TENT2: variants seen among roughly 807,000 people sequenced by gnomAD.
The protein encoded by TENT2 is poly(A) RNA polymerase GLD2.
Under a neutral mutation model 72.2 loss-of-function variants are expected in TENT2, and 44 were observed. The observed-to-expected ratio is 0.61, with a 90% CI of 0.48 to 0.78. The LOEUF (loss-of-function observed/expected upper bound fraction) is 0.78. Ranked by LOEUF, TENT2 falls within the 30% of genes least tolerant of loss-of-function variation. The probability of loss-of-function intolerance (pLI) is 0.00; values close to 1 mark genes in which losing one functional copy is unlikely to be tolerated. For missense variants in TENT2, 541 were observed against 569.6 expected (o/e 0.95, Z 0.51); for synonymous variants, 212 against 192.5 (o/e 1.10, Z -0.84).
intron 8 of TENT2, 151 bp from the exon 9 acceptor site, chr5:79,648,466 T>C: frequency 1.7e-6 from 1 of 578,702 alleles, no homozygotes; most frequent in Non-Finnish European, 3.0e-6. Context: ...CTTATTTCTT[T>C]AGTGTGTCAT....
intron 7 of TENT2, among the ~76,000 whole-genome samples, chr5:79,643,534 A>G (rs1786136929): frequency 6.6e-6 from 1 of 152,204 alleles, no homozygotes; most frequent in South Asian, 2.1e-4. Flanking sequence ...GTGATATTGG[A>G]AAGACACTTG....
chr5:79,615,984 G>A (rs1217084620), intron 1 of TENT2, among the ~76,000 whole-genome samples: 3 of 152,028 alleles, frequency 2.0e-5, no homozygotes, highest in Non-Finnish European at 2.9e-5. Flanking sequence ...TGCTTGCCAG[G>A]TTCAAGCGAT....
At chr5:79,635,674 C>A (rs1379415597) in intron 4 of TENT2, among the ~76,000 whole-genome samples, 2 of 152,088 alleles carry the variant, frequency 1.3e-5, no homozygotes, top group Non-Finnish European at 2.9e-5. Flanking sequence ...CCTGCCTCAG[C>A]CTCCGGAGTA....
At chr5:79,643,230 C>T (rs1785839920) in intron 7 of TENT2, among the ~76,000 whole-genome samples, 1 of 152,020 alleles carries the variant, frequency 6.6e-6, no homozygotes, top group African/African-American at 2.4e-5. Flanking sequence ...AGTTGTAATA[C>T]AGAGTATCTG....
intron 1 of TENT2, 118 bp from the exon 2 acceptor site, chr5:79,619,494 T>C (rs1763064302): frequency 2.9e-6 from 2 of 696,892 alleles, no homozygotes; most frequent in Non-Finnish European, 4.3e-6. Flanking sequence ...TATTTAACTT[T>C]GCAAATAAAA....
intron 14 of TENT2, among the ~76,000 whole-genome samples, chr5:79,684,133 G>C (rs1168009143): frequency 1.3e-5 from 2 of 152,012 alleles, no homozygotes; most frequent in East Asian, 1.9e-4. Context: ...CATGAGACTA[G>C]AATACAAAGA....
chr5:79,636,224 T>G (rs1262294294), intron 4 of TENT2, among the ~76,000 whole-genome samples: 1 of 152,202 alleles, frequency 6.6e-6, no homozygotes, highest in Non-Finnish European at 1.5e-5. Flanking sequence ...CTTTTTATTA[T>G]GGAAAATATC....
At chr5:79,629,515 A>G (rs1178331527) in intron 4 of TENT2, among the ~76,000 whole-genome samples, 1 of 152,174 alleles carries the variant, frequency 6.6e-6, no homozygotes, top group African/African-American at 2.4e-5. Flanking sequence ...GCATGGTGAG[A>G]GGGGGAGCCA....
At chr5:79,640,986 T>G in intron 5 of TENT2, 21 bp downstream of exon 5, 1 of 1,581,164 alleles carries the variant, frequency 6.3e-7, no homozygotes, top group Non-Finnish European at 8.6e-7. Flanking sequence ...CTATTTTGCA[T>G]GTCCTTTAGG....
intron 12 of TENT2, among the ~76,000 whole-genome samples, chr5:79,677,579 C>G (rs1365069602): frequency 1.3e-5 from 2 of 152,158 alleles, no homozygotes; most frequent in East Asian, 3.8e-4. Context: ...TTTAATTCTG[C>G]AGATTTAGTT....
At chr5:79,635,586 G>C (rs1424241495) in intron 4 of TENT2, among the ~76,000 whole-genome samples, 2 of 151,946 alleles carry the variant, frequency 1.3e-5, no homozygotes, top group Non-Finnish European at 2.9e-5. Flanking sequence ...ACAGAGTCTT[G>C]CTCTGTTGCC....
At chr5:79,644,547 T>C (rs1561513245) in intron 7 of TENT2, 2 of 152,230 alleles carry the variant, frequency 1.3e-5, no homozygotes, top group African/African-American at 4.8e-5. Context: ...TATATGTATG[T>C]ATGTAATACA....
chr5:79,641,879 A>G (rs1784784742), intron 6 of TENT2, among the ~76,000 whole-genome samples: 1 of 151,910 alleles, frequency 6.6e-6, no homozygotes, highest in South Asian at 2.1e-4. Flanking sequence ...AAATGCTCCA[A>G]TGAACATTTC....
At chr5:79,668,830 TAA>T (rs1231922655) in intron 11 of TENT2, 60 bp from the exon 12 acceptor site, 7 of 1,507,896 alleles carry the variant, frequency 4.6e-6, no homozygotes, top group Admixed American at 4.3e-5. Context: ...TCAGGATTTA[TAA>T]AGTTTCTTAG....
intron 12 of TENT2, among the ~76,000 whole-genome samples, chr5:79,676,434 A>C (rs60891270): frequency 0.11 from 17,302 of 151,904 alleles, 1,113 homozygotes; most frequent in East Asian, 0.29. Context: ...AAAATACAAA[A>C]ATTAGCCAGG....
chr5:79,654,899 A>G (rs1042296913), intron 10 of TENT2, among the ~76,000 whole-genome samples: 30 of 152,318 alleles, frequency 2.0e-4, no homozygotes, highest in African/African-American at 6.7e-4. Flanking sequence ...ATGGGTATAA[A>G]TTTGTGGGGT....
intron 4 of TENT2, among the ~76,000 whole-genome samples, chr5:79,633,093 A>G (rs115301530): frequency 0.018 from 2,777 of 152,256 alleles, 94 homozygotes; most frequent in African/African-American, 0.062. Flanking sequence ...TTCTAGTTCT[A>G]TTTTGTTTCA....
rs192928880 is a variant in TENT2, at chr5:79,622,458, T to G, written c.228-794T>G. ...TACTTACTCTTTAATGATTTTTCCC[T>G]TTTTATTTTGCAAATACTAAAACCT... On this transcript the variant is annotated intron_variant, in intron 3 of 14. Coordinates refer to ENST00000453514, the MANE Select transcript of TENT2 (RefSeq NM_001114394.3). 4.3e-3 allele frequency among the ~76,000 whole-genome samples: 651 copies of G among 152,332 alleles called. 3 individuals are homozygous for G. Among genetic ancestry groups the G allele is most frequent in the African/African-American group, 0.015 (619 of 41,574 alleles).
rs1243080269 is a variant in TENT2 at position 79,620,018 on chromosome 5, G to A, written c.162G>A (p.Gln54=). 1.9e-6 allele frequency: 3 copies of A among 1,610,364 alleles called. No individual in the cohort carries two copies. The highest frequency in any genetic ancestry group is 2.5e-6 in the Non-Finnish European group (3 of 1,177,736). ...GCTTGTCTAGAGCTGTGTCATTACAGCAGCTGACATATGGAAATGTCAGTC... is the reference window on the plus strand; with the variant it reads ...GCTTGTCTAGAGCTGTGTCATTACAACAGCTGACATATGGAAATGTCAGTC... The part of the protein sequence containing the change: ...NADLSRAVSL[Q]QLTYGNVSPI... Residue 54 remains glutamine, a synonymous_variant, in exon 3 of 15, where the codon CAG becomes CAA. Coordinates refer to ENST00000453514, the MANE Select transcript of TENT2 (RefSeq NM_001114394.3).
Sources: gnomAD v4.1 joint callset for allele counts (sites outside exome capture counted in the v4.1 genomes callset) on GRCh38, gnomAD v4.1.1 for gene constraint, MANE v1.5 for transcripts, NCBI Gene and HGNC (gene_info 2026-07-23, HGNC 2026-07-21) for gene names.